The following CROT variants were observed in gnomAD, a reference collection of about 807,000 sequenced individuals.
CROT encodes the protein carnitine O-octanoyltransferase, also known as peroxisomal carnitine O-octanoyltransferase.
Under a neutral mutation model 89.2 loss-of-function variants are expected in CROT, and 84 were observed. The observed-to-expected ratio is 0.94, with a 90% confidence interval of 0.79 to 1.13. The LOEUF is 1.13. Ranked by LOEUF, CROT falls within the 50% of genes most tolerant of loss-of-function variation. CROT has a pLI of 0.00. For synonymous variants in CROT, 212 were observed against 239.5 expected, an observed-to-expected ratio of 0.89 and a Z score of 1.06; for missense variants, 711 against 727.8, an observed-to-expected ratio of 0.98 and a Z score of 0.27.
chr7:87,394,008 A>G (rs550025598), intron 17 of CROT, among the ~76,000 whole-genome samples: 11 of 152,208 alleles, frequency 7.2e-5, no homozygotes, highest in Admixed American at 2.0e-4. Flanking sequence ...ATTTACTACC[A>G]TAAAATATAC....
At chr7:87,365,617 T>C (rs1806415468) in intron 6 of CROT, among the ~76,000 whole-genome samples, 2 of 126,076 alleles carry the variant, frequency 1.6e-5, no homozygotes, top group Middle Eastern at 3.7e-3. Context: ...TTGTTTTTTG[T>C]TTGTCTTTTT....
rs767384425 is a variant in CROT, at chr7:87,382,402, C to A, written c.1171-11C>A. On this transcript the variant is annotated splice_polypyrimidine_tract_variant and intron_variant, in intron 12 of 17. Coordinates refer to ENST00000331536, the MANE Select transcript of CROT (RefSeq NM_021151.4). ...GATTTTTCACCGTTCTCATTTAATT[C>A]TTCTTGTTAGGCATCTGATCTACAG... is the stretch of plus-strand genomic sequence containing the variant. The A allele has an allele frequency of 1.9e-6, 3 of 1,607,702 alleles. No individual in the cohort carries two copies. The highest frequency in any genetic ancestry group is 2.5e-6 in the Non-Finnish European group (3 of 1,177,998).
At chr7:87,357,516 C>T in intron 3 of CROT, 4 of 1,548,894 alleles carry the variant, frequency 2.6e-6, no homozygotes, top group Non-Finnish European at 3.5e-6. Context: ...GTCACCAGAA[C>T]ATGCTACCAG....
At chr7:87,383,323 AT>A (rs1174612225) in intron 13 of CROT, among the ~76,000 whole-genome samples, 2 of 151,754 alleles carry the variant, frequency 1.3e-5, no homozygotes, top group Admixed American at 6.6e-5. Flanking sequence ...CACGAGATCA[AT>A]TTTTTTTAAC....
intron 3 of CROT, among the ~76,000 whole-genome samples, chr7:87,353,392 G>T: frequency 6.6e-6 from 1 of 152,078 alleles, no homozygotes; most frequent in South Asian, 2.1e-4. Flanking sequence ...CAAGTGATCC[G>T]CCTGCCTCCA....
At chr7:87,373,211 TG>T (rs1806695766) in intron 7 of CROT, among the ~76,000 whole-genome samples, 1 of 152,196 alleles carries the variant, frequency 6.6e-6, no homozygotes, top group Non-Finnish European at 1.5e-5. Context: ...TTTTTTCACA[TG>T]CATTTTGGCC....
At chr7:87,383,285 T>G (rs1278619010) in intron 13 of CROT, among the ~76,000 whole-genome samples, 2 of 152,180 alleles carry the variant, frequency 1.3e-5, no homozygotes, top group African/African-American at 4.8e-5. Context: ...TCCCAATCTC[T>G]GTTAACCACC....
chr7:87,350,704 G>A (rs1805839585), intron 3 of CROT, among the ~76,000 whole-genome samples: 1 of 152,172 alleles, frequency 6.6e-6, no homozygotes, highest in Non-Finnish European at 1.5e-5. Flanking sequence ...CAATCTTAGA[G>A]ATTTATTTTG....
intron 17 of CROT, among the ~76,000 whole-genome samples, chr7:87,397,682 C>T (rs1041565620): frequency 2.0e-5 from 3 of 152,158 alleles, no homozygotes; most frequent in Admixed American, 1.3e-4. Context: ...TTCTGTATTA[C>T]TTTTCTGCAA....
At chr7:87,398,292 C>G (rs776745655) in intron 17 of CROT, 37 of 658,342 alleles carry the variant, frequency 5.6e-5, no homozygotes, top group Non-Finnish European at 1.0e-4. Context: ...AGGGCTCTAG[C>G]TAATTTGTTC....
At chr7:87,359,761 T>G (rs1374714307) in intron 4 of CROT, 1 of 998,556 alleles carries the variant, frequency 1.0e-6, no homozygotes, top group East Asian at 1.1e-4. Context: ...AAAATCAGAG[T>G]GGAGAATGGT....
intron 6 of CROT, 87 bp from the exon 7 acceptor site, chr7:87,369,289 T>C (rs2115883050): frequency 2.7e-6 from 2 of 753,372 alleles, no homozygotes. Context: ...ACTGGAAGAA[T>C]GCCTACTTTT....
In CROT at chr7:87,382,437, T is replaced by C; in HGVS notation, c.1195T>C (p.Tyr399His). 6.2e-7 allele frequency: 1 copy of C among 1,613,836 alleles called. No individual in the cohort carries two copies. Among genetic ancestry groups the C allele is most frequent in the Non-Finnish European group, 8.5e-7 (1 of 1,179,864 alleles). Residue 399 changes from tyrosine to histidine, a missense_variant, in exon 13 of 18, where the codon TAT becomes CAT. Tyr to His is a moderately conservative substitution (Grantham distance 83). Transcript: ENST00000331536. ...GGCATCTGATCTACAGATTGCGGCT[T>C]ATGCCTTTACATCTTTTGGCAAAAA... is the stretch of plus-strand genomic sequence containing the variant. ...REASDLQIAAYAFTSFGKKLT... is the reference protein window; with the variant it reads ...REASDLQIAAHAFTSFGKKLT...
At chr7:87,353,675 G>A (rs555524630) in intron 3 of CROT, among the ~76,000 whole-genome samples, 39 of 152,342 alleles carry the variant, frequency 2.6e-4, no homozygotes, top group Admixed American at 9.8e-4. Context: ...TGAAGCAGGA[G>A]CAGGCACTTC....
intron 7 of CROT, among the ~76,000 whole-genome samples, chr7:87,373,540 C>A (rs1806706457): frequency 1.3e-5 from 2 of 151,848 alleles, no homozygotes; most frequent in East Asian, 1.9e-4. Context: ...CTTTTAAGAT[C>A]TTTTTAAAAA....
intron 2 of CROT, 121 bp downstream of exon 2, chr7:87,346,551 A>G (rs916036136): frequency 1.3e-5 from 2 of 152,218 alleles, no homozygotes; most frequent in African/African-American, 4.8e-5. Flanking sequence ...TCTTAGTGCT[A>G]TTGGAACCAT....
chr7:87,392,120 AC>A (rs1807380784), intron 14 of CROT, among the ~76,000 whole-genome samples: 1 of 151,516 alleles, frequency 6.6e-6, no homozygotes, highest in Admixed American at 6.6e-5. Flanking sequence ...TTTGTTTCAT[AC>A]TCTTTTTTTT....
chr7:87,378,570 C>T (rs1294297031), intron 10 of CROT, among the ~76,000 whole-genome samples: 2 of 152,106 alleles, frequency 1.3e-5, no homozygotes, highest in Non-Finnish European at 2.9e-5. Context: ...GGTAGACTGC[C>T]CAATGTGATT....
chr7:87,370,691 C>T (rs1160669372), intron 7 of CROT, among the ~76,000 whole-genome samples: 1 of 152,174 alleles, frequency 6.6e-6, no homozygotes. Flanking sequence ...TCCAAAGATT[C>T]CCGTCATCCC....
Sources: gnomAD v4.1 joint callset for allele counts (sites outside exome capture counted in the v4.1 genomes callset) on GRCh38, gnomAD v4.1.1 for gene constraint, MANE v1.5 for transcripts, NCBI Gene and HGNC (gene_info 2026-07-23, HGNC 2026-07-21) for gene names.